Variants in HRH4 observed in about 807,000 individuals in gnomAD.
HRH4 encodes the protein histamine H4 receptor.
A neutral mutation model predicts 10.4 loss-of-function variants in HRH4; 12 were observed. The ratio of observed to expected loss-of-function variants is 1.15; its 90% CI spans 0.74 to 1.87. The LOEUF (loss-of-function observed/expected upper bound fraction) is 1.87. Ranked by LOEUF, HRH4 falls within the 40% of genes most tolerant of loss-of-function variation. The pLI is 0.00. For synonymous variants in HRH4, 154 were observed against 166.6 expected (o/e 0.92, Z 0.58); for missense variants, 415 against 453.3 (o/e 0.92, Z 0.77).
chr18:24,474,312 C>T (rs189444786), intron 2 of HRH4, among the ~76,000 whole-genome samples: 23 of 151,256 alleles, frequency 1.5e-4, no homozygotes, highest in Admixed American at 9.2e-4. Context: ...GCACCATATG[C>T]ATTTTAGCTT....
Position 24,460,847 on chromosome 18 carries a change from T to C in HRH4, c.119T>C (p.Phe40Ser). The C allele has an allele frequency of 6.3e-7, 1 of 1,590,868 alleles. No homozygotes were observed. The highest frequency in any genetic ancestry group is 8.6e-7 in the Non-Finnish European group (1 of 1,163,784). The change falls in exon 1 of 3, where the codon TTT becomes TCT. Residue 40 changes from phenylalanine (F) to serine (S), a missense_variant. Transcript: ENST00000256906. ...MLGNALVILA[F>S]VVDKNLRHRS... Reference sequence around the variant, plus strand: ...GGAAATGCTTTGGTCATTTTAGCTTTTGTGGTGGACAAAAACCTTAGACAT... The same window carrying C: ...GGAAATGCTTTGGTCATTTTAGCTTCTGTGGTGGACAAAAACCTTAGACAT...
At position 24,468,747 on chromosome 18, in the gene HRH4, G is replaced by C. The variant is rs1406522010; in HGVS notation, c.194-41G>C. On this transcript the variant is annotated intron_variant, in intron 1 of 2. Coordinates refer to ENST00000256906, the MANE Select transcript of HRH4 (RefSeq NM_021624.4). ...TAAAACATGCACATTTGTGTTCATTGATGTGCGCTATGTTTTTACACTTAT... is the reference window on the plus strand; with the variant it reads ...TAAAACATGCACATTTGTGTTCATTCATGTGCGCTATGTTTTTACACTTAT... 5.8e-6 allele frequency: 9 copies of C among 1,550,264 alleles called. 1 individual carries two copies. The South Asian group carries it at 1.1e-4, about 19-fold the overall frequency.
In HRH4 at chr18:24,460,798, T is replaced by G. The variant is rs756707102; in HGVS notation, c.70T>G (p.Leu24Val). 3.8e-6 allele frequency: 6 copies of G among 1,585,434 alleles called. No individual in the cohort carries two copies. Among genetic ancestry groups the G allele is most frequent in the Non-Finnish European group, 4.3e-6 (5 of 1,159,358 alleles). Reference sequence around the variant, plus strand: ...TGTTACTTTAGCATTTTTTATGTCCTTAGTAGCTTTTGCTATAATGCTAGG... The same window carrying G: ...TGTTACTTTAGCATTTTTTATGTCCGTAGTAGCTTTTGCTATAATGCTAGG... ...TRVTLAFFMS[L>V]VAFAIMLGNA... Residue 24 changes from leucine (L) to valine (V), a missense_variant, in exon 1 of 3, where the codon TTA becomes GTA. By Grantham distance (32) the Leu-to-Val change is conservative. Transcript: ENST00000256906.
intron 2 of HRH4, among the ~76,000 whole-genome samples, chr18:24,470,501 ATTTTTTT>A (rs200257355): frequency 5.9e-4 from 76 of 129,836 alleles, no homozygotes; most frequent in Middle Eastern, 4.0e-3. Flanking sequence ...TTGTTTCTCT[ATTTTTTT>A]TTTTTTTTTT....
intron 2 of HRH4, among the ~76,000 whole-genome samples, chr18:24,474,164 T>G (rs1326504846): frequency 6.6e-6 from 1 of 152,124 alleles, no homozygotes; most frequent in African/African-American, 2.4e-5. Flanking sequence ...ATTAAAAAAC[T>G]AAATGCAGCT....
chr18:24,476,714 T>C, intron 2 of HRH4, 33 bp from the exon 3 acceptor site: 1 of 1,478,508 alleles, frequency 6.8e-7, no homozygotes, highest in Non-Finnish European at 9.4e-7. Flanking sequence ...ACATACACAT[T>C]CATTATATTG....
In HRH4 at chr18:24,479,930, A is replaced by C. The variant is rs1227820077; in HGVS notation, c.*2368A>C. ...TTAACATTCAATAATAATTTTAAAA[A>C]TTTGAGAAATAAACTCTCATAAATG... On this transcript the variant is annotated 3_prime_UTR_variant, in exon 3 of 3. Transcript: ENST00000256906. 2 of 152,164 alleles carry C rather than the reference A, an allele frequency of 1.3e-5. No individual in the cohort carries two copies. Among genetic ancestry groups the C allele is most frequent in the Non-Finnish European group, 2.9e-5 (2 of 68,024 alleles). The allele number at this position is 152,164 out of a possible 1,614,324, so 9.4% of individuals were successfully genotyped here.
intron 1 of HRH4, among the ~76,000 whole-genome samples, chr18:24,463,826 A>C (rs1487270455): frequency 6.6e-6 from 1 of 152,206 alleles, no homozygotes; most frequent in African/African-American, 2.4e-5. Flanking sequence ...GCTATACCGG[A>C]CGTTATATAA....
chr18:24,462,558 A>T (rs1909671855), intron 1 of HRH4, among the ~76,000 whole-genome samples: 1 of 152,196 alleles, frequency 6.6e-6, no homozygotes, highest in African/African-American at 2.4e-5. Context: ...GAGAAAGCTG[A>T]GTTAAAGATT....
At chr18:24,467,796 G>A (rs1463314697) in intron 1 of HRH4, among the ~76,000 whole-genome samples, 1 of 152,120 alleles carries the variant, frequency 6.6e-6, no homozygotes, top group Non-Finnish European at 1.5e-5. Context: ...CACCTGCCTC[G>A]GCCTCCCAGA....
intron 2 of HRH4, 23 bp from the exon 3 acceptor site, chr18:24,476,724 G>T: frequency 6.5e-7 from 1 of 1,533,244 alleles, no homozygotes; most frequent in South Asian, 1.1e-5. Flanking sequence ...TCATTATATT[G>T]AAAATAATTT....
intron 2 of HRH4, among the ~76,000 whole-genome samples, chr18:24,473,550 C>T (rs895440022): frequency 6.6e-6 from 1 of 152,136 alleles, no homozygotes; most frequent in African/African-American, 2.4e-5. Flanking sequence ...GTGGTGTTGT[C>T]TCCCTGGGTC....
At chr18:24,471,154 T>C (rs944619484) in intron 2 of HRH4, among the ~76,000 whole-genome samples, 1 of 151,958 alleles carries the variant, frequency 6.6e-6, no homozygotes, top group Non-Finnish European at 1.5e-5. Flanking sequence ...CACTGCAGTT[T>C]GTATTGTATG....
At chr18:24,473,329 CA>C (rs1278889823) in intron 2 of HRH4, among the ~76,000 whole-genome samples, 9 of 152,156 alleles carry the variant, frequency 5.9e-5, no homozygotes, top group Admixed American at 3.9e-4. Context: ...AACAAGACCA[CA>C]AACTGGGTTG....
intron 1 of HRH4, among the ~76,000 whole-genome samples, chr18:24,467,795 C>T (rs896496753): frequency 5.9e-5 from 9 of 152,162 alleles, no homozygotes; most frequent in East Asian, 1.9e-4. Context: ...CCACCTGCCT[C>T]GGCCTCCCAG....
intron 2 of HRH4, among the ~76,000 whole-genome samples, chr18:24,476,424 A>G (rs956581227): frequency 2.3e-4 from 35 of 152,222 alleles, no homozygotes; most frequent in African/African-American, 8.4e-4. Flanking sequence ...GGTGCGTCCA[A>G]CTTCAGTTGT....
At chr18:24,466,377 C>A (rs977327680) in intron 1 of HRH4, among the ~76,000 whole-genome samples, 1 of 151,296 alleles carries the variant, frequency 6.6e-6, no homozygotes, top group African/African-American at 2.4e-5. Flanking sequence ...CCTGCCTCAG[C>A]CTCCCAAGGT....
intron 1 of HRH4, among the ~76,000 whole-genome samples, chr18:24,462,282 C>T (rs1238523670): frequency 4.6e-5 from 7 of 152,008 alleles, no homozygotes; most frequent in Admixed American, 1.3e-4. Flanking sequence ...TAAATACCAG[C>T]GTGAGTGTGG....
At chr18:24,475,041 A>G (rs765612598) in intron 2 of HRH4, among the ~76,000 whole-genome samples, 2 of 152,178 alleles carry the variant, frequency 1.3e-5, no homozygotes, top group African/African-American at 2.4e-5. Flanking sequence ...GTCACCTTAA[A>G]GAGTTCCTTA....
Sources: gnomAD v4.1 joint callset for allele counts (sites outside exome capture counted in the v4.1 genomes callset) on GRCh38, gnomAD v4.1.1 for gene constraint, MANE v1.5 for transcripts, NCBI Gene and HGNC (gene_info 2026-07-23, HGNC 2026-07-21) for gene names.